Variants in THSD4 observed in about 807,000 individuals in gnomAD.
THSD4 encodes thrombospondin type-1 domain-containing protein 4.
In THSD4, 69 loss-of-function variants were observed where a neutral mutation model predicts 119.0. The observed-to-expected ratio is 0.58, with a 90% CI of 0.48 to 0.71. THSD4 has a LOEUF of 0.71. Among genes scored for constraint, THSD4 ranks in the 30% least tolerant of loss-of-function variants. The probability of loss-of-function intolerance (pLI) is 0.00; values close to 1 mark genes in which losing one functional copy is unlikely to be tolerated. For synonymous variants in THSD4, 524 were observed against 540.4 expected (o/e 0.97, Z 0.42); for missense variants, 1,393 against 1,391.1 (o/e 1.00, Z -0.02).
chr15:71,215,175 C>T lies in THSD4; in HGVS notation c.240C>T (p.Cys80=). The part of the protein sequence containing the change: ...SGGVMEQTRP[C]LPRSYRLRGG... ...GCGTGATGGAGCAGACGCGGCCCTGCCTGCCCCGCTCCTACCGCCTGCGCG... is the reference window on the plus strand; with the variant it reads ...GCGTGATGGAGCAGACGCGGCCCTGTCTGCCCCGCTCCTACCGCCTGCGCG... The change falls in exon 4 of 18, where the codon TGC becomes TGT. Residue 80 remains cysteine (C), a synonymous_variant. Coordinates refer to ENST00000261862, the MANE Select transcript of THSD4 (RefSeq NM_024817.3). 7.3e-7 allele frequency: 1 copy of T among 1,373,690 alleles called. No homozygotes were observed. The highest frequency in any genetic ancestry group is 9.4e-7 in the Non-Finnish European group (1 of 1,064,496). The allele number at this position is 1,373,690 out of a possible 1,614,324, so 85.1% of individuals were successfully genotyped here.
At chr15:71,583,468 T>TC (rs2049598412) in intron 7 of THSD4, among the ~76,000 whole-genome samples, 1 of 151,820 alleles carries the variant, frequency 6.6e-6, no homozygotes, top group Non-Finnish European at 1.5e-5. Context: ...GTTTTTTTTT[T>TC]CCTAGTTCTT....
chr15:71,389,832 C>G (rs561493435), intron 6 of THSD4, among the ~76,000 whole-genome samples: 4 of 12,826 alleles, frequency 3.1e-4, no homozygotes, highest in African/African-American at 8.6e-4. Context: ...TTTTTTGACA[C>G]AGAGTCTCGC....
intron 7 of THSD4, among the ~76,000 whole-genome samples, chr15:71,455,670 G>A (rs534210288): frequency 5.6e-4 from 86 of 152,256 alleles, no homozygotes; most frequent in Middle Eastern, 3.4e-3. Context: ...TGAATTTGTG[G>A]ATGTAATCCG....
chr15:71,394,457 G>A (rs183825673), intron 6 of THSD4, among the ~76,000 whole-genome samples: 123 of 152,164 alleles, frequency 8.1e-4, no homozygotes, highest in Middle Eastern at 3.4e-3. Flanking sequence ...ATTTTTAGTA[G>A]AGACGGTGTT....
At chr15:71,763,255 C>T (rs1010910702) in intron 15 of THSD4, among the ~76,000 whole-genome samples, 4 of 145,294 alleles carry the variant, frequency 2.8e-5, no homozygotes, top group Non-Finnish European at 5.9e-5. Context: ...GCGTGTTTTT[C>T]TTTCTCTCTA....
chr15:71,316,736 C>T (rs538194596), intron 6 of THSD4, among the ~76,000 whole-genome samples: 1 of 152,270 alleles, frequency 6.6e-6, no homozygotes, highest in Non-Finnish European at 1.5e-5. Context: ...GGGCCCCCAA[C>T]AAGCAGCAGG....
At chr15:71,699,741 G>A (rs894504949) in intron 8 of THSD4, among the ~76,000 whole-genome samples, 6 of 152,058 alleles carry the variant, frequency 3.9e-5, no homozygotes, top group Admixed American at 1.3e-4. Context: ...TTGTTGTTTC[G>A]TGGCCAGTCT....
At chr15:71,562,693 TGGTCC>T (rs1567038052) in intron 7 of THSD4, among the ~76,000 whole-genome samples, 3 of 143,824 alleles carry the variant, frequency 2.1e-5, no homozygotes, top group Non-Finnish European at 4.5e-5. Flanking sequence ...CTACCACCTT[TGGTCC>T]TTTTTTTTTT....
intron 7 of THSD4, among the ~76,000 whole-genome samples, chr15:71,425,371 A>T (rs1203315191): frequency 6.6e-6 from 1 of 152,222 alleles, no homozygotes; most frequent in Non-Finnish European, 1.5e-5. Context: ...GTGTTGGGAA[A>T]AAAATTTTCT....
chr15:71,374,165 G>T (rs1009430541), intron 6 of THSD4, among the ~76,000 whole-genome samples: 8 of 152,228 alleles, frequency 5.3e-5, no homozygotes, highest in Non-Finnish European at 7.3e-5. Flanking sequence ...CAGTCCTTCT[G>T]CCCTGATGTC....
intron 6 of THSD4, among the ~76,000 whole-genome samples, chr15:71,398,982 G>A (rs2046487197): frequency 6.6e-6 from 1 of 152,060 alleles, no homozygotes; most frequent in Non-Finnish European, 1.5e-5. Flanking sequence ...AGCAGGATGG[G>A]AGTAGGTAGG....
At chr15:71,732,263 T>G (rs1198078616) in intron 10 of THSD4, 1 of 152,230 alleles carries the variant, frequency 6.6e-6, no homozygotes, top group East Asian at 1.9e-4. Context: ...TATATGCCTT[T>G]TCTCTTGGTT....
At chr15:71,164,972 G>C in intron 3 of THSD4, 5 of 1,595,908 alleles carry the variant, frequency 3.1e-6, no homozygotes, top group Non-Finnish European at 4.3e-6. Flanking sequence ...CTTCAGCTTC[G>C]CAGCCTTCTT....
intron 7 of THSD4, among the ~76,000 whole-genome samples, chr15:71,620,446 A>G (rs2050400782): frequency 3.9e-5 from 6 of 151,980 alleles, no homozygotes; most frequent in Admixed American, 3.9e-4. Flanking sequence ...AAATAATAAT[A>G]ATAACAAAAT....
Position 71,397,334 on chromosome 15 carries a change from T to C in THSD4, c.1016-14353T>C, listed in dbSNP as rs181079982. On this transcript the variant is annotated intron_variant, in intron 6 of 17. Coordinates refer to ENST00000261862, the MANE Select transcript of THSD4 (RefSeq NM_024817.3). Reference sequence around the variant, plus strand: ...ATTCATACCTGTCTTCCCCATGAAATTGTAGTTGCAGGAGGTCAAGGACCT... The same window carrying C: ...ATTCATACCTGTCTTCCCCATGAAACTGTAGTTGCAGGAGGTCAAGGACCT... Among the ~76,000 whole-genome samples the C allele has an allele frequency of 5.9e-5, 9 of 152,330 alleles. No individual in the cohort carries two copies. The East Asian group carries it at 1.5e-3, about 26-fold the overall frequency.
chr15:71,497,616 T>A (rs1047080975), intron 7 of THSD4, among the ~76,000 whole-genome samples: 1 of 152,090 alleles, frequency 6.6e-6, no homozygotes, highest in African/African-American at 2.4e-5. Context: ...AGTGCCTACT[T>A]CTTTGTTCAA....
intron 8 of THSD4, among the ~76,000 whole-genome samples, chr15:71,700,902 G>T (rs917748964): frequency 3.3e-5 from 5 of 151,808 alleles, no homozygotes; most frequent in Admixed American, 3.3e-4. Flanking sequence ...TATACCAAAA[G>T]AAAATATAGA....
chr15:71,487,866 A>G (rs923888561), intron 7 of THSD4, among the ~76,000 whole-genome samples: 1 of 152,116 alleles, frequency 6.6e-6, no homozygotes, highest in Non-Finnish European at 1.5e-5. Flanking sequence ...ATAATTTTAT[A>G]TACTTTATCT....
At chr15:71,296,752 C>T (rs190819816) in intron 6 of THSD4, among the ~76,000 whole-genome samples, 9 of 152,172 alleles carry the variant, frequency 5.9e-5, no homozygotes, top group East Asian at 3.8e-4. Flanking sequence ...CATCTGAAAA[C>T]GTCGTATTCC....
Sources: allele counts gnomAD v4.1 joint callset (sites outside exome capture counted in the v4.1 genomes callset), GRCh38; gene constraint gnomAD v4.1.1; transcripts MANE v1.5; gene names NCBI Gene and HGNC (gene_info 2026-07-23, HGNC 2026-07-21).